Variants in CELF2 observed in about 807,000 individuals in gnomAD.
CELF2 encodes CUGBP Elav-like family member 2, also known as CUG triplet repeat RNA-binding protein 2.
In CELF2, 8 loss-of-function variants were observed where a neutral mutation model predicts 62.6. That is an observed-to-expected ratio of 0.13 (90% CI 0.07 to 0.23). The LOEUF (loss-of-function observed/expected upper bound fraction) is 0.23. Ranked by LOEUF, CELF2 falls within the 10% of genes least tolerant of loss-of-function variation. The pLI, the probability that CELF2 is intolerant of heterozygous loss-of-function variation, is 1.00. For synonymous variants in CELF2, 258 were observed against 250.0 expected (o/e 1.03, Z -0.30); for missense variants, 333 against 671.0 (o/e 0.50, Z 5.56).
intron 1 of CELF2, among the ~76,000 whole-genome samples, chr10:10,852,032 C>T (rs763800832): frequency 1.3e-5 from 2 of 152,212 alleles, no homozygotes; most frequent in African/African-American, 2.4e-5. Context: ...CTTTAGAAAA[C>T]AGTTTTGTAG....
At chr10:10,509,151 C>T in the CELF2 span, among the ~76,000 whole-genome samples, 1 of 152,074 alleles carries the variant, frequency 6.6e-6, no homozygotes, top group Admixed American at 6.5e-5. Flanking sequence ...GTTTTGCTTG[C>T]ATGCTGAATT....
At chr10:10,571,658 T>G in the CELF2 span, among the ~76,000 whole-genome samples, 5 of 152,140 alleles carry the variant, frequency 3.3e-5, no homozygotes, top group Non-Finnish European at 7.4e-5. Flanking sequence ...ACATGGGGCA[T>G]CATTAGGAGG....
At chr10:10,728,491 C>T in the CELF2 span, among the ~76,000 whole-genome samples, 1 of 146,642 alleles carries the variant, frequency 6.8e-6, no homozygotes, top group Non-Finnish European at 1.5e-5. Context: ...GAAAAAAATG[C>T]AAGCAAAGAA....
chr10:10,774,547 C>T, the CELF2 span, among the ~76,000 whole-genome samples: 1 of 152,156 alleles, frequency 6.6e-6, no homozygotes, highest in Non-Finnish European at 1.5e-5. Context: ...TTCCCTGCCC[C>T]CGCTCTCGCT....
At chr10:11,216,114 C>A (rs547069296) in intron 2 of CELF2, among the ~76,000 whole-genome samples, 2 of 152,280 alleles carry the variant, frequency 1.3e-5, no homozygotes, top group South Asian at 4.1e-4. Flanking sequence ...TCTTTGGATG[C>A]GTGGAGTTTT....
At chr10:10,833,656 G>T (rs10905841) in intron 1 of CELF2, among the ~76,000 whole-genome samples, 23 of 151,920 alleles carry the variant, frequency 1.5e-4, no homozygotes, top group African/African-American at 5.3e-4. Context: ...ATGTGAACAC[G>T]AACAGTCACT....
intron 1 of CELF2, among the ~76,000 whole-genome samples, chr10:11,040,532 C>T (rs577883083): frequency 1.3e-5 from 2 of 152,242 alleles, no homozygotes; most frequent in South Asian, 4.2e-4. Context: ...CGACGCACTT[C>T]CAAGCAGTTC....
the CELF2 span, among the ~76,000 whole-genome samples, chr10:10,742,368 C>T: frequency 3.9e-5 from 6 of 152,128 alleles, no homozygotes; most frequent in Non-Finnish European, 8.8e-5. Flanking sequence ...GTGGTTCATG[C>T]CTATTATCCC....
rs191343828 is a variant in CELF2, at chr10:11,019,365, A to C, written c.74+1202A>C. On this transcript the variant is annotated intron_variant, in intron 1 of 12. Coordinates refer to ENST00000633077, the MANE Select transcript of CELF2 (RefSeq NM_001326342.2). ...TTGGTATGGTAAGAGTGCGTGTAAA[A>C]TGTTTCCTGTTCTACCCACTGTAGG... Among the ~76,000 whole-genome samples the C allele has an allele frequency of 3.3e-5, 5 of 152,274 alleles. No individual in the cohort carries two copies. The East Asian group carries it at 9.6e-4, about 29-fold the overall frequency.
At chr10:10,646,049 C>G in the CELF2 span, among the ~76,000 whole-genome samples, 1 of 152,158 alleles carries the variant, frequency 6.6e-6, no homozygotes, top group African/African-American at 2.4e-5. Context: ...GAGAACTTGA[C>G]GTCTCATTCT....
At chr10:11,163,086 CT>C (rs2066097694) in intron 1 of CELF2, among the ~76,000 whole-genome samples, 1 of 152,204 alleles carries the variant, frequency 6.6e-6, no homozygotes, top group Admixed American at 6.5e-5. Flanking sequence ...CTCTACTTCC[CT>C]TACTTGATGC....
At chr10:10,858,261 G>C (rs1305714015) in intron 1 of CELF2, among the ~76,000 whole-genome samples, 2 of 152,122 alleles carry the variant, frequency 1.3e-5, no homozygotes, top group Non-Finnish European at 2.9e-5. Flanking sequence ...GATGCCTTAA[G>C]GCCTCTCTGT....
chr10:10,882,666 A>G (rs1287752571), intron 1 of CELF2, among the ~76,000 whole-genome samples: 2 of 152,214 alleles, frequency 1.3e-5, no homozygotes, highest in African/African-American at 4.8e-5. Flanking sequence ...GAGGGAAAAT[A>G]TCATACTTAA....
At chr10:10,868,207 G>T (rs1306157979) in intron 1 of CELF2, among the ~76,000 whole-genome samples, 1 of 152,198 alleles carries the variant, frequency 6.6e-6, no homozygotes, top group African/African-American at 2.4e-5. Flanking sequence ...GCTCAGCTGG[G>T]CATTTCTTAC....
the CELF2 span, among the ~76,000 whole-genome samples, chr10:10,609,848 C>T: frequency 4.9e-4 from 75 of 152,348 alleles, no homozygotes; most frequent in Admixed American, 1.1e-3. Context: ...TCGTCTGCAT[C>T]TACTTGCCTC....
chr10:10,746,018 A>G, the CELF2 span, among the ~76,000 whole-genome samples: 1 of 152,208 alleles, frequency 6.6e-6, no homozygotes, highest in African/African-American at 2.4e-5. Context: ...TAGTATCTCA[A>G]ACTGCTTAGC....
intron 1 of CELF2, among the ~76,000 whole-genome samples, chr10:10,908,744 A>G (rs1412628257): frequency 6.6e-6 from 1 of 152,120 alleles, no homozygotes; most frequent in African/African-American, 2.4e-5. Context: ...AGAGCTTCCA[A>G]CCTTGTAGCC....
the CELF2 span, among the ~76,000 whole-genome samples, chr10:10,581,008 A>G: frequency 6.6e-6 from 1 of 152,216 alleles, no homozygotes; most frequent in Non-Finnish European, 1.5e-5. Context: ...TTGGATCACA[A>G]TTCCACTCCA....
chr10:10,590,849 CA>C, the CELF2 span, among the ~76,000 whole-genome samples: 1 of 152,184 alleles, frequency 6.6e-6, no homozygotes, highest in Non-Finnish European at 1.5e-5. Context: ...CTTTGTCCGT[CA>C]AAACTTATTT....
Sources: allele counts gnomAD v4.1 joint callset (sites outside exome capture counted in the v4.1 genomes callset), GRCh38; gene constraint gnomAD v4.1.1; transcripts MANE v1.5; gene names NCBI Gene and HGNC (gene_info 2026-07-23, HGNC 2026-07-21).